The following QTMAN variants were observed in gnomAD, a reference collection of about 807,000 sequenced individuals.
QTMAN encodes queuosine-tRNA mannosyltransferase.
At chr2:144,213,314 G>C in the QTMAN span, among the ~76,000 whole-genome samples, 8 of 152,082 alleles carry the variant, frequency 5.3e-5, no homozygotes, top group Non-Finnish European at 1.0e-4. Flanking sequence ...ATTTAGAACT[G>C]CTGTGGTAGT....
the QTMAN span, among the ~76,000 whole-genome samples, chr2:144,198,082 A>C: frequency 1.0e-3 from 158 of 152,276 alleles, 1 homozygote; most frequent in African/African-American, 3.5e-3. Flanking sequence ...ACTAAAAAGT[A>C]TCTGGGCATG....
chr2:144,254,119 A>G, the QTMAN span, among the ~76,000 whole-genome samples: 1 of 152,184 alleles, frequency 6.6e-6, no homozygotes, highest in Non-Finnish European at 1.5e-5. Flanking sequence ...GGGTGCACAA[A>G]AGTCAAGAAT....
the QTMAN span, among the ~76,000 whole-genome samples, chr2:144,222,650 C>A: frequency 6.6e-6 from 1 of 151,148 alleles, no homozygotes; most frequent in Non-Finnish European, 1.5e-5. Context: ...ACTAAAAATA[C>A]AAAAAAAATT....
chr2:144,059,726 C>T, the QTMAN span, among the ~76,000 whole-genome samples: 1 of 152,182 alleles, frequency 6.6e-6, no homozygotes, highest in East Asian at 1.9e-4. Flanking sequence ...ACCTTAACAG[C>T]TTTGCCTCCT....
chr2:144,254,303 T>A, the QTMAN span, among the ~76,000 whole-genome samples: 1 of 152,252 alleles, frequency 6.6e-6, no homozygotes, highest in Middle Eastern at 3.4e-3. Flanking sequence ...GCGCCTGTAA[T>A]CCCAGCTACT....
At chr2:144,240,114 A>G in the QTMAN span, among the ~76,000 whole-genome samples, 14 of 152,238 alleles carry the variant, frequency 9.2e-5, no homozygotes, top group Admixed American at 9.2e-4. Context: ...TAATAGTGTA[A>G]AGCAAGTGTT....
At chr2:144,124,936 T>A in the QTMAN span, among the ~76,000 whole-genome samples, 3 of 152,136 alleles carry the variant, frequency 2.0e-5, no homozygotes, top group African/African-American at 7.2e-5. Context: ...TAGGAAAACT[T>A]ACATATGTCT....
the QTMAN span, among the ~76,000 whole-genome samples, chr2:144,207,657 T>C: frequency 6.6e-6 from 1 of 152,110 alleles, no homozygotes; most frequent in African/African-American, 2.4e-5. Flanking sequence ...ATCAGCTATG[T>C]TAACCACCAT....
At chr2:144,036,116 A>G in the QTMAN span, among the ~76,000 whole-genome samples, 2 of 152,178 alleles carry the variant, frequency 1.3e-5, no homozygotes, top group Non-Finnish European at 2.9e-5. Context: ...ATAACACTTC[A>G]ATAGTTAACT....
At chr2:144,263,789 A>G in the QTMAN span, among the ~76,000 whole-genome samples, 1 of 152,158 alleles carries the variant, frequency 6.6e-6, no homozygotes, top group Non-Finnish European at 1.5e-5. Flanking sequence ...ATTTTATTCT[A>G]TTGTCTTAAG....
the QTMAN span, among the ~76,000 whole-genome samples, chr2:144,279,995 T>C: frequency 2.6e-5 from 4 of 152,200 alleles, no homozygotes; most frequent in African/African-American, 9.6e-5. Context: ...ACTAAGTGTA[T>C]GTGGGAACTC....
chr2:144,198,597 G>A, the QTMAN span, among the ~76,000 whole-genome samples: 3 of 152,068 alleles, frequency 2.0e-5, no homozygotes, highest in Non-Finnish European at 2.9e-5. Context: ...ATGACATCTC[G>A]GGATCCAGCT....
the QTMAN span, among the ~76,000 whole-genome samples, chr2:144,289,029 CTTTTTTTTT>C: frequency 1.4e-4 from 16 of 115,972 alleles, no homozygotes; most frequent in African/African-American, 5.5e-4. Flanking sequence ...CAAGAAAATT[CTTTTTTTTT>C]TTTTTTTTTT....
chr2:144,258,227 A>G, the QTMAN span, among the ~76,000 whole-genome samples: 2 of 151,514 alleles, frequency 1.3e-5, no homozygotes, highest in African/African-American at 4.9e-5. Context: ...CTTGCAAAAA[A>G]AAAACAAAAA....
chr2:144,018,426 G>A, the QTMAN span, among the ~76,000 whole-genome samples: 1 of 151,860 alleles, frequency 6.6e-6, no homozygotes, highest in South Asian at 2.1e-4. Flanking sequence ...CACAGAAACT[G>A]ACCTCATCCA....
the QTMAN span, among the ~76,000 whole-genome samples, chr2:144,128,563 G>C: frequency 2.0e-5 from 3 of 152,010 alleles, no homozygotes; most frequent in Non-Finnish European, 4.4e-5. Context: ...CTAATGCAGT[G>C]AATGACTCTA....
the QTMAN span, among the ~76,000 whole-genome samples, chr2:144,300,087 C>CT: frequency 1.3e-5 from 2 of 152,168 alleles, no homozygotes. Flanking sequence ...AAGACAAAGT[C>CT]TGCCACGGAC....
chr2:144,148,688 C>A, the QTMAN span, among the ~76,000 whole-genome samples: 4 of 151,818 alleles, frequency 2.6e-5, no homozygotes, highest in Non-Finnish European at 4.4e-5. Context: ...CCCCTACCCA[C>A]CAGCTTATCC....
the QTMAN span, among the ~76,000 whole-genome samples, chr2:144,096,641 C>T: frequency 7.2e-5 from 11 of 152,172 alleles, no homozygotes; most frequent in African/African-American, 2.7e-4. Context: ...TGTGTAAATA[C>T]GCTTGAAGCA....
Sources: gnomAD v4.1 joint callset for allele counts (sites outside exome capture counted in the v4.1 genomes callset) on GRCh38, gnomAD v4.1.1 for gene constraint, MANE v1.5 for transcripts, NCBI Gene and HGNC (gene_info 2026-07-23, HGNC 2026-07-21) for gene names.